GRM7: variants seen among roughly 807,000 people sequenced by gnomAD.
GRM7 encodes the protein glutamate metabotropic receptor 7.
GRM7 carries 35 observed loss-of-function variants against 84.5 expected under a neutral mutation model. The ratio of observed to expected loss-of-function variants is 0.41; its 90% confidence interval spans 0.32 to 0.55. GRM7 has a LOEUF of 0.55. Ranked by LOEUF, GRM7 falls within the 20% of genes least tolerant of loss-of-function variation. The probability of loss-of-function intolerance (pLI) is 0.19; values close to 1 mark genes in which losing one functional copy is unlikely to be tolerated. For synonymous variants in GRM7, 487 were observed against 455.1 expected (o/e 1.07, Z -0.89); for missense variants, 1,003 against 1,194.6 (o/e 0.84, Z 2.36).
intron 7 of GRM7, among the ~76,000 whole-genome samples, chr3:7,536,384 T>A (rs969358704): frequency 2.0e-5 from 3 of 152,256 alleles, no homozygotes; most frequent in African/African-American, 7.2e-5. Flanking sequence ...GAACAAAAAC[T>A]GGGGTATTTA....
intron 1 of GRM7, among the ~76,000 whole-genome samples, chr3:6,867,236 A>C (rs372131579): frequency 1.3e-5 from 2 of 152,216 alleles, no homozygotes; most frequent in African/African-American, 4.8e-5. Context: ...TGTAAGGTTC[A>C]CTAACTGGCA....
chr3:7,393,041 G>A (rs911101814), intron 4 of GRM7, among the ~76,000 whole-genome samples: 5 of 152,148 alleles, frequency 3.3e-5, no homozygotes, highest in African/African-American at 1.2e-4. Context: ...ACCAGAGAGG[G>A]CAGGCTACCA....
intron 1 of GRM7, among the ~76,000 whole-genome samples, chr3:7,093,673 T>C (rs1698747814): frequency 1.7e-5 from 1 of 59,500 alleles, no homozygotes; most frequent in Admixed American, 3.5e-4. Context: ...CAAGACTCTG[T>C]CTCAAAAAAA....
intron 1 of GRM7, among the ~76,000 whole-genome samples, chr3:6,939,506 G>C (rs1697814014): frequency 6.6e-6 from 1 of 151,844 alleles, no homozygotes; most frequent in African/African-American, 2.4e-5. Context: ...CATTTAAATA[G>C]AAAGCATATA....
intron 4 of GRM7, among the ~76,000 whole-genome samples, chr3:7,332,019 G>T (rs1023261713): frequency 6.6e-6 from 1 of 152,042 alleles, no homozygotes; most frequent in African/African-American, 2.4e-5. Context: ...GGTAGGAAAC[G>T]GTCAAGTTAT....
intron 9 of GRM7, among the ~76,000 whole-genome samples, chr3:7,702,834 C>T (rs986403171): frequency 3.3e-5 from 5 of 152,238 alleles, no homozygotes; most frequent in South Asian, 2.1e-4. Flanking sequence ...AGTACAAAAA[C>T]ACTTTTTTCA....
intron 4 of GRM7, among the ~76,000 whole-genome samples, chr3:7,407,438 A>C (rs897573557): frequency 6.6e-6 from 1 of 152,182 alleles, no homozygotes; most frequent in South Asian, 2.1e-4. Flanking sequence ...AGAGGCTTTC[A>C]AGGGTAGAGG....
chr3:7,375,381 G>A (rs980910388), intron 4 of GRM7, among the ~76,000 whole-genome samples: 16 of 151,820 alleles, frequency 1.1e-4, no homozygotes, highest in Non-Finnish European at 1.8e-4. Flanking sequence ...TCCATGCCCC[G>A]CTAATTTTTG....
chr3:6,938,715 C>A (rs1697779818), intron 1 of GRM7, among the ~76,000 whole-genome samples: 1 of 152,120 alleles, frequency 6.6e-6, no homozygotes, highest in African/African-American at 2.4e-5. Context: ...AAAGGTGAGC[C>A]ACTTCTGGGA....
intron 1 of GRM7, among the ~76,000 whole-genome samples, chr3:7,118,454 C>G (rs1693113795): frequency 6.7e-6 from 1 of 149,570 alleles, no homozygotes; most frequent in Non-Finnish European, 1.5e-5. Context: ...TATCTAAAAT[C>G]CTTTTTAGAG....
At chr3:7,422,331 C>A (rs960735576) in intron 5 of GRM7, among the ~76,000 whole-genome samples, 1 of 152,154 alleles carries the variant, frequency 6.6e-6, no homozygotes, top group Non-Finnish European at 1.5e-5. Flanking sequence ...ACCAATGGAA[C>A]CTTTTACAAT....
intron 2 of GRM7, among the ~76,000 whole-genome samples, chr3:7,259,898 G>C (rs189161524): frequency 6.8e-6 from 1 of 146,928 alleles, no homozygotes; most frequent in African/African-American, 2.6e-5. Context: ...ACTAACCTAC[G>C]TGCCCACCAA....
chr3:7,555,673 C>T (rs1407667112), intron 7 of GRM7, among the ~76,000 whole-genome samples: 1 of 152,030 alleles, frequency 6.6e-6, no homozygotes, highest in Non-Finnish European at 1.5e-5. Flanking sequence ...ATATTTTTAC[C>T]CACTGACACT....
chr3:6,887,239 T>G (rs2124974481), intron 1 of GRM7, among the ~76,000 whole-genome samples: 1 of 152,202 alleles, frequency 6.6e-6, no homozygotes, highest in East Asian at 1.9e-4. Context: ...TTTATTTTAT[T>G]ATTATTATGC....
At chr3:7,000,342 G>T (rs547632889) in intron 1 of GRM7, among the ~76,000 whole-genome samples, 4 of 151,816 alleles carry the variant, frequency 2.6e-5, no homozygotes, top group Admixed American at 6.6e-5. Context: ...TGGCTAATAT[G>T]TTATTTTATT....
At chr3:7,113,064 A>C (rs905543789) in intron 1 of GRM7, among the ~76,000 whole-genome samples, 1 of 152,170 alleles carries the variant, frequency 6.6e-6, no homozygotes, top group African/African-American at 2.4e-5. Context: ...AAGGGAAAAA[A>C]AGTGATTGAG....
chr3:7,453,589 T>A (rs1697869128), intron 6 of GRM7, among the ~76,000 whole-genome samples: 1 of 152,108 alleles, frequency 6.6e-6, no homozygotes, highest in Non-Finnish European at 1.5e-5. Flanking sequence ...TCTGAAAGGG[T>A]CCTGAGAGTA....
At chr3:6,870,526 C>A (rs897358950) in intron 1 of GRM7, among the ~76,000 whole-genome samples, 1 of 152,154 alleles carries the variant, frequency 6.6e-6, no homozygotes, top group Non-Finnish European at 1.5e-5. Context: ...TTGTCATTTA[C>A]TCTAAATGTT....
At chr3:7,379,598 T>C (rs1045898105) in intron 4 of GRM7, among the ~76,000 whole-genome samples, 1 of 152,232 alleles carries the variant, frequency 6.6e-6, no homozygotes, top group African/African-American at 2.4e-5. Flanking sequence ...TGGTTTTCCC[T>C]ATATATTTTT....
Sources: gnomAD v4.1 joint callset for allele counts (sites outside exome capture counted in the v4.1 genomes callset) on GRCh38, gnomAD v4.1.1 for gene constraint, MANE v1.5 for transcripts, NCBI Gene and HGNC (gene_info 2026-07-23, HGNC 2026-07-21) for gene names.